Variants in CPM observed in about 807,000 individuals in gnomAD.
CPM encodes carboxypeptidase M.
CPM carries 35 observed loss-of-function variants against 46.4 expected under a neutral mutation model. The ratio of observed to expected loss-of-function variants is 0.75; its 90% CI spans 0.58 to 1.00. The LOEUF is 1.00. CPM is among the 50% of genes least tolerant of loss of function. The pLI, the probability that CPM is intolerant of heterozygous loss-of-function variation, is 0.00. For synonymous variants in CPM, 195 were observed against 195.3 expected, an observed-to-expected ratio of 1.00 and a Z score of 0.01; for missense variants, 422 against 530.4, an observed-to-expected ratio of 0.80 and a Z score of 2.01.
At chr12:68,920,035 C>T (rs980293302) in intron 2 of CPM, among the ~76,000 whole-genome samples, 2 of 152,140 alleles carry the variant, frequency 1.3e-5, no homozygotes, top group Admixed American at 6.5e-5. Flanking sequence ...TGAGTTCTCA[C>T]GAGATCTGGT....
At chr12:68,908,387 A>C (rs898256689) in intron 2 of CPM, among the ~76,000 whole-genome samples, 1 of 148,910 alleles carries the variant, frequency 6.7e-6, no homozygotes, top group African/African-American at 2.5e-5. Flanking sequence ...TCTACTCCAC[A>C]GGACACAGCT....
At chr12:68,957,127 G>A (rs1047112630) in intron 1 of CPM, among the ~76,000 whole-genome samples, 1 of 152,112 alleles carries the variant, frequency 6.6e-6, no homozygotes, top group Non-Finnish European at 1.5e-5. Flanking sequence ...TAAAATCGTA[G>A]AGATTGTATC....
At chr12:68,843,746 A>G (rs1325440222) in intron 5 of CPM, 1 of 223,576 alleles carries the variant, frequency 4.5e-6, no homozygotes, top group Non-Finnish European at 8.9e-6. Context: ...CAAAGGGATT[A>G]GTAGTTTACC....
intron 3 of CPM, among the ~76,000 whole-genome samples, 153 bp from the exon 4 acceptor site, chr12:68,872,109 G>A (rs1885727705): frequency 1.3e-5 from 2 of 152,230 alleles, no homozygotes; most frequent in Admixed American, 1.3e-4. Flanking sequence ...GCATGCTTAT[G>A]CTCTGCCAAG....
intron 2 of CPM, among the ~76,000 whole-genome samples, chr12:68,888,177 T>C (rs748156393): frequency 2.5e-4 from 38 of 152,228 alleles, no homozygotes; most frequent in African/African-American, 1.9e-4. Context: ...CATCTCAATA[T>C]AATATTTATC....
rs1884959767 is a variant in CPM, at chr12:68,856,150, G to A, written c.*287C>T. On this transcript the variant is annotated 3_prime_UTR_variant, in exon 9 of 9. Transcript: ENST00000551568. ...TTGCAGGCATTTTTTTGCTTCTCAAGTTTTAACTTCTTACACATTTTAAGA... is the reference window on the plus strand; with the variant it reads ...TTGCAGGCATTTTTTTGCTTCTCAAATTTTAACTTCTTACACATTTTAAGA... 2.9e-6 allele frequency: 1 copy of A among 348,442 alleles called. No homozygotes were observed. The highest frequency in any genetic ancestry group is 2.1e-5 in the African/African-American group (1 of 48,772). The allele number at this position is 348,442 out of a possible 1,614,324, so 21.6% of individuals were successfully genotyped here.
At chr12:68,875,431 C>T (rs1885905509) in intron 3 of CPM, among the ~76,000 whole-genome samples, 1 of 151,966 alleles carries the variant, frequency 6.6e-6, no homozygotes, top group Non-Finnish European at 1.5e-5. Flanking sequence ...ACATAAAATA[C>T]TATCAAAAGT....
chr12:68,943,867 A>AT (rs149755714), intron 1 of CPM, among the ~76,000 whole-genome samples: 2,186 of 147,862 alleles, frequency 0.015, 16 homozygotes, highest in African/African-American at 0.015. Context: ...CCATTTCTGG[A>AT]TTTTTTTTTT....
intron 3 of CPM, among the ~76,000 whole-genome samples, chr12:68,882,024 C>CTTTTTT (rs60522842): frequency 2.3e-4 from 29 of 124,758 alleles, no homozygotes; most frequent in South Asian, 5.1e-4. Flanking sequence ...GCCCGGCCTG[C>CTTTTTT]TTTTTTTTTT....
chr12:68,932,900 C>T lies in CPM; in HGVS notation c.-3-60G>A, dbSNP rs1432052960. 7 of 1,502,698 alleles carry T rather than the reference C, an allele frequency of 4.7e-6. No individual in the cohort carries two copies. The South Asian group carries it at 7.0e-5, about 15-fold the overall frequency. The allele number at this position is 1,502,698 out of a possible 1,614,324, so 93.1% of individuals were successfully genotyped here. On this transcript the variant is annotated intron_variant, in intron 1 of 8. Coordinates refer to ENST00000551568, the MANE Select transcript of CPM (RefSeq NM_198320.5). ...CACATGAGGGCAGGCGGGGGCATCA[C>T]CAGCTACGTCTCGGTACTCCGGTCT...
chr12:68,882,834 T>C (rs905408172), intron 3 of CPM, among the ~76,000 whole-genome samples: 1 of 152,236 alleles, frequency 6.6e-6, no homozygotes, highest in Non-Finnish European at 1.5e-5. Context: ...CACTTTTTCA[T>C]ATGCTTTTTG....
chr12:68,887,811 G>C (rs909720683), intron 2 of CPM, among the ~76,000 whole-genome samples: 2 of 152,158 alleles, frequency 1.3e-5, no homozygotes, highest in Non-Finnish European at 2.9e-5. Flanking sequence ...TTCCAAGGAG[G>C]GGGCTGATGA....
chr12:68,845,203 TATAAAAA>T (rs1197060140), intron 5 of CPM: 3 of 217,570 alleles, frequency 1.4e-5, no homozygotes, highest in African/African-American at 7.2e-5. Flanking sequence ...ATTTGATACT[TATAAAAA>T]GAAAAAGTAT....
intron 2 of CPM, among the ~76,000 whole-genome samples, chr12:68,893,601 G>T (rs1886746523): frequency 6.6e-6 from 1 of 152,148 alleles, no homozygotes; most frequent in Admixed American, 6.5e-5. Context: ...TTCTGCCTAG[G>T]TCAATTCTAA....
intron 2 of CPM, among the ~76,000 whole-genome samples, chr12:68,915,655 G>T (rs1303028175): frequency 6.6e-6 from 1 of 152,196 alleles, no homozygotes; most frequent in Non-Finnish European, 1.5e-5. Context: ...CGGCAGTTGG[G>T]TGTAAGGCCC....
rs1246619420 is a variant in CPM, at chr12:68,856,133, A to AT, written c.*303dup. On this transcript the variant is annotated 3_prime_UTR_variant, in exon 9 of 9. Transcript: ENST00000551568. ...ACAAAATGATCTTCTTTTTGCAGGC[A>AT]TTTTTTTGCTTCTCAAGTTTTAACT... is the stretch of plus-strand genomic sequence containing the variant. 5 of 318,630 alleles carry AT rather than the reference A, an allele frequency of 1.6e-5. No homozygotes were observed. The highest frequency in any genetic ancestry group is 2.3e-5 in the Non-Finnish European group (4 of 172,790). The allele number at this position is 318,630 out of a possible 1,614,324, so 19.7% of individuals were successfully genotyped here.
At chr12:68,954,459 A>T (rs1053861654) in intron 1 of CPM, among the ~76,000 whole-genome samples, 2 of 152,126 alleles carry the variant, frequency 1.3e-5, no homozygotes, top group South Asian at 4.2e-4. Flanking sequence ...CTTCTGAGAC[A>T]CACACAGTCT....
rs370507901 is a variant in CPM, at chr12:68,865,892, G to C, written c.940+1004C>G. Among the ~76,000 whole-genome samples, 10 of 152,304 alleles carry C rather than the reference G, an allele frequency of 6.6e-5. No individual in the cohort carries two copies. The East Asian group carries it at 1.2e-3, about 18-fold the overall frequency. On this transcript the variant is annotated intron_variant, in intron 7 of 8. Coordinates refer to ENST00000551568, the MANE Select transcript of CPM (RefSeq NM_198320.5). Reference sequence around the variant, plus strand: ...TATAGCCGCTGGACCAGCAGCATCAGCATCACGTGGTAAGGTGGTCCAAAC... The same window carrying C: ...TATAGCCGCTGGACCAGCAGCATCACCATCACGTGGTAAGGTGGTCCAAAC...
intron 7 of CPM, among the ~76,000 whole-genome samples, chr12:68,863,103 G>A (rs1388327697): frequency 1.3e-5 from 2 of 152,148 alleles, no homozygotes; most frequent in African/African-American, 4.8e-5. Flanking sequence ...CTGCTTGTTT[G>A]TGCCCATGTC....
Sources: allele counts gnomAD v4.1 joint callset (sites outside exome capture counted in the v4.1 genomes callset), GRCh38; gene constraint gnomAD v4.1.1; transcripts MANE v1.5; gene names NCBI Gene and HGNC (gene_info 2026-07-23, HGNC 2026-07-21).